Variants in CD52 observed in about 807,000 individuals in gnomAD.
CD52 encodes CD52 molecule.
A neutral mutation model predicts 2.5 loss-of-function variants in CD52; 2 were observed. The observed-to-expected ratio is 0.79, with a 90% confidence interval of 0.32 to 2.48. The LOEUF (loss-of-function observed/expected upper bound fraction) is 2.48. Ranked by LOEUF, CD52 falls within the 30% of genes most tolerant of loss-of-function variation. CD52 has a pLI of 0.11. For synonymous variants in CD52, 24 were observed against 27.7 expected (o/e 0.87, Z 0.42); for missense variants, 62 against 75.8 (o/e 0.82, Z 0.68).
At position 26,318,161 on chromosome 1, in the gene CD52, C is replaced by T. The variant is rs2073817792; in HGVS notation, c.54+90C>T. 3.9e-5 allele frequency: 43 copies of T among 1,107,786 alleles called. No homozygotes were observed. The South Asian group carries it at 4.9e-4, about 13-fold the overall frequency. The allele number at this position is 1,107,786 out of a possible 1,614,324, so 68.6% of individuals were successfully genotyped here. Reference sequence around the variant, plus strand: ...TACAGGATGTGAGCTCCCAGAGACCCAGCCTTCTCTCCTGAGAGCACAGCA... The same window carrying T: ...TACAGGATGTGAGCTCCCAGAGACCTAGCCTTCTCTCCTGAGAGCACAGCA... On this transcript the variant is annotated intron_variant, in intron 1 of 1. Transcript: ENST00000374213.
Position 26,320,117 on chromosome 1 carries a change from C to T in CD52, c.55-54C>T, listed in dbSNP as rs2073838467. Reference sequence around the variant, plus strand: ...CCTGGGTGACAGAGTGAGACTCCACCTCTAAAAAAAAAAAAAAAAGTCCCC... The same window carrying T: ...CCTGGGTGACAGAGTGAGACTCCACTTCTAAAAAAAAAAAAAAAAGTCCCC... On this transcript the variant is annotated intron_variant, in intron 1 of 1. Transcript: ENST00000374213. 9 of 1,552,164 alleles carry T rather than the reference C, an allele frequency of 5.8e-6. No homozygotes were observed. The East Asian group carries it at 2.0e-4, about 35-fold the overall frequency.
Position 26,320,188 on chromosome 1 carries a change from A to C in CD52, c.72A>C (p.Ser24=). Residue 24 remains serine, a synonymous_variant, in exon 2 of 2, where the codon TCA becomes TCC. Coordinates refer to ENST00000374213, the MANE Select transcript of CD52 (RefSeq NM_001803.3). ...LVMVQIQTGL[S]GQNDTSQTSS... is the part of the protein sequence containing the mutation. ...TCCTACAGATACAAACTGGACTCTC[A>C]GGACAAAACGACACCAGCCAAACCA... The C allele has an allele frequency of 6.2e-7, 1 of 1,613,164 alleles. No homozygotes were observed. The highest frequency in any genetic ancestry group is 1.1e-5 in the South Asian group (1 of 90,996).
chr1:26,318,149 C>A (rs921941274), intron 1 of CD52, 78 bp downstream of exon 1: 4 of 1,206,374 alleles, frequency 3.3e-6, no homozygotes, highest in Non-Finnish European at 4.9e-6. Context: ...AGGATGTGAG[C>A]TCCCAGAGAC....
At chr1:26,319,178 C>A (rs1018488736) in intron 1 of CD52, among the ~76,000 whole-genome samples, 4 of 152,086 alleles carry the variant, frequency 2.6e-5, no homozygotes, top group Admixed American at 2.6e-4. Flanking sequence ...GCGAGCCGGG[C>A]GCGCTGGCTC....
chr1:26,319,274 A>T (rs1163007365), intron 1 of CD52, among the ~76,000 whole-genome samples: 1 of 151,912 alleles, frequency 6.6e-6, no homozygotes, highest in East Asian at 1.9e-4. Context: ...AACACATTGA[A>T]ACCTCGTCTC....
intron 1 of CD52, among the ~76,000 whole-genome samples, chr1:26,319,422 G>A (rs1401326839): frequency 4.7e-5 from 7 of 149,350 alleles, no homozygotes; most frequent in Non-Finnish European, 1.0e-4. Context: ...TCACGCCACT[G>A]CACTCCAGCC....
chr1:26,319,376 C>T lies in CD52; in HGVS notation c.55-795C>T, dbSNP rs374079208. ...TCGGGAGGCTGAGGCAGGAGAATGG[C>T]GTGAACCTGGGGGTGAAGCTTGCAG... is the stretch of plus-strand genomic sequence containing the variant. On this transcript the variant is annotated intron_variant, in intron 1 of 1. Coordinates refer to ENST00000374213, the MANE Select transcript of CD52 (RefSeq NM_001803.3). Among the ~76,000 whole-genome samples the T allele has an allele frequency of 7.3e-5, 11 of 151,420 alleles. No homozygotes were observed. In the East Asian group the frequency reaches 1.4e-3, roughly 19 times the overall value.
chr1:26,318,171 T>G, intron 1 of CD52, 100 bp downstream of exon 1: 1 of 1,010,194 alleles, frequency 9.9e-7, no homozygotes, highest in Non-Finnish European at 1.6e-6. Flanking sequence ...CAGCCTTCTC[T>G]CCTGAGAGCA....
intron 1 of CD52, among the ~76,000 whole-genome samples, chr1:26,319,639 A>G (rs1367636397): frequency 6.6e-6 from 1 of 151,992 alleles, no homozygotes; most frequent in East Asian, 1.9e-4. Flanking sequence ...GGGGGTGGAC[A>G]GGGGCAGTGA....
chr1:26,319,476 A>AG (rs2073830466), intron 1 of CD52, among the ~76,000 whole-genome samples: 1 of 150,502 alleles, frequency 6.6e-6, no homozygotes, highest in Non-Finnish European at 1.5e-5. Flanking sequence ...AAAAAAAAAA[A>AG]AATTAGCTGG....
At position 26,318,272 on chromosome 1, in the gene CD52, G is replaced by A. The variant is rs555847345; in HGVS notation, c.54+201G>A. The stretch of plus-strand genomic sequence containing the variant: ...TTCTGGCTGGGGCTGCACTGCTTGC[G>A]GGCTGCCCTGAGAGAAACCTGTATC... On this transcript the variant is annotated intron_variant, in intron 1 of 1. Coordinates refer to ENST00000374213, the MANE Select transcript of CD52 (RefSeq NM_001803.3). 13 of 574,438 alleles carry A rather than the reference G, an allele frequency of 2.3e-5. No individual in the cohort carries two copies. The East Asian group carries it at 2.3e-4, about 10-fold the overall frequency. The allele number at this position is 574,438 out of a possible 1,614,324, so 35.6% of individuals were successfully genotyped here. A position where few individuals can be genotyped will look rare whatever the true frequency, so the allele number is the denominator to read the frequency against.
chr1:26,319,552 C>A (rs1489284130), intron 1 of CD52, among the ~76,000 whole-genome samples: 1 of 151,822 alleles, frequency 6.6e-6, no homozygotes. Flanking sequence ...TGCAGTGACC[C>A]GAGATCATGC....
At chr1:26,318,172 C>A in intron 1 of CD52, 101 bp downstream of exon 1, 1 of 992,920 alleles carries the variant, frequency 1.0e-6, no homozygotes, top group Non-Finnish European at 1.6e-6. Flanking sequence ...AGCCTTCTCT[C>A]CTGAGAGCAC....
chr1:26,320,155 A>G lies in CD52; in HGVS notation c.55-16A>G. The stretch of plus-strand genomic sequence containing the variant: ...AAAAAAAGTCCCCTGATCTTATCCC[A>G]CTTCTCCTCCTACAGATACAAACTG... On this transcript the variant is annotated splice_polypyrimidine_tract_variant and intron_variant, in intron 1 of 1. Transcript: ENST00000374213. The G allele has an allele frequency of 6.2e-7, 1 of 1,600,954 alleles. No individual in the cohort carries two copies. The highest frequency in any genetic ancestry group is 2.2e-5 in the East Asian group (1 of 44,676).
chr1:26,318,120 G>T, intron 1 of CD52, 49 bp downstream of exon 1: 1 of 1,530,538 alleles, frequency 6.5e-7, no homozygotes, highest in Non-Finnish European at 9.1e-7. Context: ...AAGTTGCTTG[G>T]CATGGAGGGA....
intron 1 of CD52, among the ~76,000 whole-genome samples, chr1:26,319,415 C>T (rs1446768050): frequency 1.3e-5 from 2 of 149,386 alleles, no homozygotes; most frequent in African/African-American, 2.5e-5. Context: ...GCCGAGATCA[C>T]GCCACTGCAC....
At chr1:26,319,701 A>G (rs1570155685) in intron 1 of CD52, among the ~76,000 whole-genome samples, 1 of 152,068 alleles carries the variant, frequency 6.6e-6, no homozygotes, top group Non-Finnish European at 1.5e-5. Flanking sequence ...ACATCCTGAC[A>G]GGACCTTGTG....
intron 1 of CD52, 174 bp downstream of exon 1, chr1:26,318,245 T>C: frequency 1.6e-6 from 1 of 618,438 alleles, no homozygotes; most frequent in Admixed American, 2.9e-5. Flanking sequence ...GCCTTCCAGC[T>C]CTTCTGGCTG....
At chr1:26,318,376 G>T (rs1294648248) in intron 1 of CD52, 4 of 297,704 alleles carry the variant, frequency 1.3e-5, no homozygotes, top group Non-Finnish European at 2.6e-5. Flanking sequence ...AGAACTAAGA[G>T]ACTTGGGAAG....
Sources: gnomAD v4.1 joint callset for allele counts (sites outside exome capture counted in the v4.1 genomes callset) on GRCh38, gnomAD v4.1.1 for gene constraint, MANE v1.5 for transcripts, NCBI Gene and HGNC (gene_info 2026-07-23, HGNC 2026-07-21) for gene names.